Variants in GUCY1A2 observed in about 807,000 individuals in gnomAD.
GUCY1A2 encodes guanylate cyclase soluble subunit alpha-2.
Under a neutral mutation model 63.5 loss-of-function variants are expected in GUCY1A2, and 27 were observed. The observed-to-expected ratio is 0.43, with a 90% CI of 0.31 to 0.59. The LOEUF (loss-of-function observed/expected upper bound fraction) is 0.59. GUCY1A2 is among the 20% of genes least tolerant of loss of function. The pLI is 0.11. For synonymous variants in GUCY1A2, 364 were observed against 343.5 expected, an observed-to-expected ratio of 1.06 and a Z score of -0.66; for missense variants, 768 against 913.3, an observed-to-expected ratio of 0.84 and a Z score of 2.05.
At chr11:106,722,599 TA>T (rs1863335113) in intron 6 of GUCY1A2, among the ~76,000 whole-genome samples, 3 of 152,246 alleles carry the variant, frequency 2.0e-5, no homozygotes, top group African/African-American at 7.2e-5. Flanking sequence ...ACTCTTCTTT[TA>T]ACCTGGGCTT....
intron 5 of GUCY1A2, among the ~76,000 whole-genome samples, chr11:106,791,338 A>G (rs1040483498): frequency 6.6e-6 from 1 of 152,240 alleles, no homozygotes; most frequent in Admixed American, 6.5e-5. Context: ...CTTTGCAGCT[A>G]CTACAGGGGG....
intron 4 of GUCY1A2, among the ~76,000 whole-genome samples, chr11:106,839,723 G>C (rs1859169788): frequency 6.6e-6 from 1 of 151,838 alleles, no homozygotes; most frequent in Non-Finnish European, 1.5e-5. Context: ...CATGGATAAA[G>C]CTAGAAACCA....
intron 6 of GUCY1A2, among the ~76,000 whole-genome samples, chr11:106,711,209 T>C (rs1372777923): frequency 6.6e-6 from 1 of 152,154 alleles, no homozygotes; most frequent in Non-Finnish European, 1.5e-5. Flanking sequence ...AAGGCTGCCA[T>C]GCATATGTAG....
chr11:106,726,990 C>T (rs1219770057), intron 6 of GUCY1A2, among the ~76,000 whole-genome samples: 2 of 152,188 alleles, frequency 1.3e-5, no homozygotes, highest in East Asian at 1.9e-4. Flanking sequence ...TTAAAAGATT[C>T]GTAATCGGGG....
chr11:106,838,435 T>C (rs572227002), intron 4 of GUCY1A2, among the ~76,000 whole-genome samples: 5 of 152,108 alleles, frequency 3.3e-5, no homozygotes, highest in African/African-American at 4.8e-5. Flanking sequence ...TCAGTTGTAA[T>C]TTCAGAGGGA....
intron 6 of GUCY1A2, among the ~76,000 whole-genome samples, chr11:106,739,073 G>T (rs922500008): frequency 6.6e-6 from 1 of 151,988 alleles, no homozygotes. Context: ...TTCCTTGAAC[G>T]GTGATTTGTA....
At position 106,680,706 on chromosome 11, in the gene GUCY1A2, T is replaced by C. The variant is rs1195858643; in HGVS notation, c.*6843A>G. 1 of 204,898 alleles carries C rather than the reference T, an allele frequency of 4.9e-6. No individual in the cohort carries two copies. The highest frequency in any genetic ancestry group is 7.4e-5 in the East Asian group (1 of 13,484). The allele number at this position is 204,898 out of a possible 1,614,324, so 12.7% of individuals were successfully genotyped here. ...AATCAACAATCCGGTTTGATTTTGATAGGGAAATTTTCCAAACTGTGGGCA... is the reference window on the plus strand; with the variant it reads ...AATCAACAATCCGGTTTGATTTTGACAGGGAAATTTTCCAAACTGTGGGCA... On this transcript the variant is annotated 3_prime_UTR_variant, in exon 8 of 8. Transcript: ENST00000526355.
intron 4 of GUCY1A2, among the ~76,000 whole-genome samples, chr11:106,837,456 T>C (rs533590211): frequency 6.6e-6 from 1 of 152,128 alleles, no homozygotes; most frequent in East Asian, 1.9e-4. Flanking sequence ...AGTGAACATT[T>C]GTGTGCCTGT....
At chr11:106,940,747 C>T (rs1039110960) in intron 3 of GUCY1A2, among the ~76,000 whole-genome samples, 1 of 152,188 alleles carries the variant, frequency 6.6e-6, no homozygotes, top group African/African-American at 2.4e-5. Flanking sequence ...TCCCTAACTC[C>T]CAGAGCATCA....
intron 6 of GUCY1A2, among the ~76,000 whole-genome samples, chr11:106,752,531 G>A (rs1863899584): frequency 6.6e-6 from 1 of 151,944 alleles, no homozygotes; most frequent in African/African-American, 2.4e-5. Flanking sequence ...CCCCCAGCAG[G>A]CCCTGGTGTG....
intron 3 of GUCY1A2, among the ~76,000 whole-genome samples, chr11:106,957,736 G>A (rs1311905376): frequency 4.0e-5 from 6 of 150,740 alleles, no homozygotes; most frequent in African/African-American, 4.9e-5. Context: ...TCTTGGCCCC[G>A]CCTCCAAAAA....
chr11:106,848,243 G>A (rs866462610), intron 4 of GUCY1A2, among the ~76,000 whole-genome samples: 4 of 151,492 alleles, frequency 2.6e-5, no homozygotes, highest in South Asian at 2.1e-4. Flanking sequence ...ATATAAATAG[G>A]TCAAAAGCCA....
intron 6 of GUCY1A2, among the ~76,000 whole-genome samples, chr11:106,718,139 C>G (rs1414002022): frequency 6.6e-6 from 1 of 152,134 alleles, no homozygotes; most frequent in Non-Finnish European, 1.5e-5. Flanking sequence ...AAATATCTTA[C>G]TGTATTTACT....
chr11:106,707,780 A>C (rs1862942180), intron 7 of GUCY1A2, among the ~76,000 whole-genome samples: 5 of 152,114 alleles, frequency 3.3e-5, no homozygotes, highest in Admixed American at 3.3e-4. Context: ...ATAAGAATGA[A>C]TTCAGGAGGC....
intron 5 of GUCY1A2, among the ~76,000 whole-genome samples, chr11:106,778,475 C>T (rs770130153): frequency 2.0e-5 from 3 of 152,024 alleles, no homozygotes; most frequent in Non-Finnish European, 2.9e-5. Flanking sequence ...CTGGCTAACA[C>T]GGTGAAACCC....
chr11:106,794,354 T>A (rs910749476), intron 5 of GUCY1A2, among the ~76,000 whole-genome samples: 2 of 151,882 alleles, frequency 1.3e-5, no homozygotes, highest in African/African-American at 4.8e-5. Context: ...GTGGAAGAAA[T>A]GGGAAGATGT....
At chr11:106,760,452 C>T (rs1348678809) in intron 6 of GUCY1A2, among the ~76,000 whole-genome samples, 4 of 152,224 alleles carry the variant, frequency 2.6e-5, no homozygotes, top group East Asian at 1.9e-4. Flanking sequence ...ATACATAAAA[C>T]GATCGTTTAT....
chr11:106,766,546 TC>T (rs968880786), intron 6 of GUCY1A2, among the ~76,000 whole-genome samples: 3 of 102,366 alleles, frequency 2.9e-5, no homozygotes, highest in East Asian at 2.6e-4. Context: ...TTTTCAGAGA[TC>T]TTTTTTTTGT....
rs1339708611 is a variant in GUCY1A2, at chr11:106,839,415, C to T, written c.1207-28937G>A. On this transcript the variant is annotated intron_variant, in intron 4 of 7. Transcript: ENST00000526355. ...AACACTTTTACACTGTTGGTGGGAC[C>T]GTAAACCAGTTCAACCGTTGTGGAA... Among the ~76,000 whole-genome samples the T allele has an allele frequency of 7.3e-5, 11 of 151,664 alleles. No homozygotes were observed. The East Asian group carries it at 1.8e-3, about 24-fold the overall frequency.
Sources: gnomAD v4.1 joint callset for allele counts (sites outside exome capture counted in the v4.1 genomes callset) on GRCh38, gnomAD v4.1.1 for gene constraint, MANE v1.5 for transcripts, NCBI Gene and HGNC (gene_info 2026-07-23, HGNC 2026-07-21) for gene names.